Variants in RAB3C observed in about 807,000 individuals in gnomAD.
RAB3C encodes ras-related protein Rab-3C.
RAB3C carries 17 observed loss-of-function variants against 26.4 expected under a neutral mutation model. The ratio of observed to expected loss-of-function variants is 0.64; its 90% CI spans 0.44 to 0.97. RAB3C has a LOEUF of 0.97. Among genes scored for constraint, RAB3C ranks in the 50% least tolerant of loss-of-function variants. The pLI is 0.00. For missense variants in RAB3C, 242 were observed against 281.9 expected (o/e 0.86, Z 1.01); for synonymous variants, 91 against 95.9 (o/e 0.95, Z 0.30).
chr5:58,746,181 T>C (rs2111955353), intron 3 of RAB3C, among the ~76,000 whole-genome samples: 1 of 152,326 alleles, frequency 6.6e-6, no homozygotes, highest in East Asian at 1.9e-4. Flanking sequence ...ATGATGAATA[T>C]AAACAGAAGG....
chr5:58,657,388 A>G (rs376093660), intron 2 of RAB3C, among the ~76,000 whole-genome samples: 17 of 85,850 alleles, frequency 2.0e-4, no homozygotes, highest in African/African-American at 5.1e-4. Flanking sequence ...TAATTTATAG[A>G]AAAAAAAAAA....
chr5:58,833,406 GT>G (rs1443040945), intron 4 of RAB3C, among the ~76,000 whole-genome samples: 1 of 151,544 alleles, frequency 6.6e-6, no homozygotes, highest in African/African-American at 2.4e-5. Context: ...ACAAACATGA[GT>G]GTTTTTAGCT....
rs573337169 is a variant in RAB3C at position 58,657,963 on chromosome 5, A to C, written c.252+40093A>C. On this transcript the variant is annotated intron_variant, in intron 2 of 4. Coordinates refer to ENST00000282878, the MANE Select transcript of RAB3C (RefSeq NM_138453.4). ...TTTTAAATGCAAAAAGTAAGCCACC[A>C]GAATAAAAATTAGCTACGTTTTTAT... Among the ~76,000 whole-genome samples the C allele has an allele frequency of 6.7e-4, 102 of 152,342 alleles. 1 individual carries two copies. Among genetic ancestry groups the C allele is most frequent in the Non-Finnish European group, 4.7e-4 (32 of 68,036 alleles).
intron 2 of RAB3C, among the ~76,000 whole-genome samples, chr5:58,623,865 A>G (rs888311849): frequency 5.9e-5 from 9 of 152,114 alleles, no homozygotes; most frequent in African/African-American, 1.9e-4. Flanking sequence ...CAGGGTTCAA[A>G]TGTTGTCCCT....
intron 3 of RAB3C, among the ~76,000 whole-genome samples, chr5:58,740,282 T>C (rs1741248815): frequency 6.6e-6 from 1 of 152,170 alleles, no homozygotes; most frequent in Admixed American, 6.5e-5. Context: ...GGCCCTTTCT[T>C]AAGAGTCTTT....
chr5:58,844,908 G>GCAGAA (rs1743955947), intron 4 of RAB3C, among the ~76,000 whole-genome samples: 1 of 152,150 alleles, frequency 6.6e-6, no homozygotes, highest in Non-Finnish European at 1.5e-5. Flanking sequence ...CAACAGTGCC[G>GCAGAA]CAGAACATCT....
At chr5:58,767,264 T>C (rs1470026468) in intron 3 of RAB3C, among the ~76,000 whole-genome samples, 3 of 152,124 alleles carry the variant, frequency 2.0e-5, no homozygotes, top group East Asian at 1.9e-4. Context: ...CCTCAGAAAT[T>C]TGGCCAAAGT....
At chr5:58,845,192 G>A (rs12518470) in intron 4 of RAB3C, among the ~76,000 whole-genome samples, 1 of 152,154 alleles carries the variant, frequency 6.6e-6, no homozygotes, top group East Asian at 1.9e-4. Context: ...TCTGGCCTAA[G>A]GCCCTGCTTG....
intron 1 of RAB3C, among the ~76,000 whole-genome samples, chr5:58,617,180 G>C (rs1746841955): frequency 6.6e-6 from 1 of 152,250 alleles, no homozygotes; most frequent in African/African-American, 2.4e-5. Flanking sequence ...AAATGAAGTA[G>C]AGATATGCTT....
intron 3 of RAB3C, among the ~76,000 whole-genome samples, chr5:58,797,009 A>T (rs1227603737): frequency 6.6e-6 from 1 of 151,734 alleles, no homozygotes; most frequent in African/African-American, 2.4e-5. Context: ...ACACACACAC[A>T]CACACCTACC....
At position 58,853,766 on chromosome 5, in the gene RAB3C, A is replaced by G. The variant is rs1013649304; in HGVS notation, c.*2415A>G. Reference sequence around the variant, plus strand: ...CCCCAATGGAAGTGAGGCCTTTTTCATTGATTCTCAGTTCTGAAACTCCCA... The same window carrying G: ...CCCCAATGGAAGTGAGGCCTTTTTCGTTGATTCTCAGTTCTGAAACTCCCA... On this transcript the variant is annotated 3_prime_UTR_variant, in exon 5 of 5. Transcript: ENST00000282878. 2.6e-5 allele frequency: 4 copies of G among 152,138 alleles called. No individual in the cohort carries two copies. Among genetic ancestry groups the G allele is most frequent in the African/African-American group, 9.7e-5 (4 of 41,422 alleles). The allele number at this position is 152,138 out of a possible 1,614,324, so 9.4% of individuals were successfully genotyped here. A position where few individuals can be genotyped will look rare whatever the true frequency, so the allele number is the denominator to read the frequency against.
intron 2 of RAB3C, among the ~76,000 whole-genome samples, chr5:58,673,171 A>T (rs573284360): frequency 1.3e-4 from 20 of 152,144 alleles, no homozygotes; most frequent in Non-Finnish European, 2.6e-4. Context: ...CTATTTAGTG[A>T]GTAGACTAGC....
At chr5:58,837,751 G>T (rs1364353999) in intron 4 of RAB3C, among the ~76,000 whole-genome samples, 1 of 149,796 alleles carries the variant, frequency 6.7e-6, no homozygotes, top group Non-Finnish European at 1.5e-5. Flanking sequence ...TAGAGATGGG[G>T]TATCACCATG....
At chr5:58,711,033 T>C (rs1749049164) in intron 2 of RAB3C, among the ~76,000 whole-genome samples, 1 of 152,184 alleles carries the variant, frequency 6.6e-6, no homozygotes, top group Non-Finnish European at 1.5e-5. Flanking sequence ...AATAAGAATG[T>C]GCAGAAGACC....
chr5:58,785,836 A>G (rs1339673990), intron 3 of RAB3C, among the ~76,000 whole-genome samples: 3 of 152,276 alleles, frequency 2.0e-5, no homozygotes, highest in East Asian at 1.9e-4. Flanking sequence ...TATGATCACA[A>G]GGGTCCGTGA....
chr5:58,661,160 A>G (rs1380586605), intron 2 of RAB3C, among the ~76,000 whole-genome samples: 1 of 150,356 alleles, frequency 6.7e-6, no homozygotes, highest in East Asian at 1.9e-4. Flanking sequence ...ATTATGTGAA[A>G]AAAAAGAAAC....
intron 2 of RAB3C, among the ~76,000 whole-genome samples, chr5:58,678,803 A>G (rs1031664752): frequency 2.6e-5 from 4 of 152,218 alleles, no homozygotes; most frequent in Non-Finnish European, 4.4e-5. Flanking sequence ...TTAGAATTAT[A>G]TGAATCATGC....
chr5:58,618,632 G>A (rs976834212), intron 2 of RAB3C, among the ~76,000 whole-genome samples: 2 of 143,338 alleles, frequency 1.4e-5, no homozygotes, highest in Non-Finnish European at 3.1e-5. Context: ...TATGTGGATA[G>A]CAGGTCCAAG....
At chr5:58,658,831 G>A (rs1457016535) in intron 2 of RAB3C, among the ~76,000 whole-genome samples, 2 of 152,158 alleles carry the variant, frequency 1.3e-5, no homozygotes, top group African/African-American at 4.8e-5. Context: ...AGACCACCCT[G>A]GGTTTGTCTA....
Sources: allele counts gnomAD v4.1 joint callset (sites outside exome capture counted in the v4.1 genomes callset), GRCh38; gene constraint gnomAD v4.1.1; transcripts MANE v1.5; gene names NCBI Gene and HGNC (gene_info 2026-07-23, HGNC 2026-07-21).